Variants in TENM1 observed in about 807,000 individuals in gnomAD.
TENM1 encodes teneurin-1.
TENM1 carries 35 observed loss-of-function variants against 174.8 expected under a neutral mutation model. The ratio of observed to expected loss-of-function variants is 0.20; its 90% CI spans 0.15 to 0.27. The LOEUF (loss-of-function observed/expected upper bound fraction) is 0.27. Ranked by LOEUF, TENM1 falls within the 10% of genes least tolerant of loss-of-function variation. The pLI is 1.00. For synonymous variants in TENM1, 781 were observed against 798.7 expected (o/e 0.98, Z 0.37); for missense variants, 1,633 against 2,130.1 (o/e 0.77, Z 4.59).
At chrX:124,489,227 A>G (rs1037179576) in intron 20 of TENM1, among the ~76,000 whole-genome samples, 3 of 112,666 alleles carry the variant, frequency 2.7e-5, no homozygotes, top group Admixed American at 9.4e-5. Flanking sequence ...ATGAGTTAGG[A>G]GGAGAAAGAA....
At chrX:124,977,967 TGA>T in the TENM1 span, among the ~76,000 whole-genome samples, 1,086 of 32,935 alleles carry the variant, frequency 0.033, 11 homozygotes, top group Non-Finnish European at 0.045. Flanking sequence ...TGTGTGTGTG[TGA>T]GAGAGAGAGA....
intron 6 of TENM1, 45 bp from the exon 10 acceptor site, chrX:124,653,828 T>C: frequency 3.8e-6 from 4 of 1,062,572 alleles, no homozygotes; most frequent in Non-Finnish European, 5.2e-6. Flanking sequence ...TTAATCTTAA[T>C]TTATAAAGCA....
intron 23 of TENM1, among the ~76,000 whole-genome samples, chrX:124,426,926 C>T (rs756709839): frequency 1.8e-5 from 2 of 111,369 alleles, no homozygotes; most frequent in South Asian, 3.8e-4. Flanking sequence ...GGAGAGTGAA[C>T]GCCTGCTGCT....
At chrX:125,112,187 T>A in the TENM1 span, among the ~76,000 whole-genome samples, 2 of 104,532 alleles carry the variant, frequency 1.9e-5, no homozygotes, top group East Asian at 6.0e-4. Context: ...AGGGGAGAGG[T>A]GTTTGGTTTC....
intron 11 of TENM1, among the ~76,000 whole-genome samples, chrX:124,590,228 T>C (rs1003869565): frequency 2.7e-5 from 3 of 111,657 alleles, no homozygotes; most frequent in African/African-American, 9.8e-5. Context: ...TTTTGAGAGA[T>C]CTTCTCAGTA....
At chrX:124,878,859 C>T (rs76779185) in intron 3 of TENM1, among the ~76,000 whole-genome samples, 8 of 111,545 alleles carry the variant, frequency 7.2e-5, no homozygotes, top group African/African-American at 2.0e-4. Flanking sequence ...GGCTGGCTCA[C>T]GGAAGACCAG....
the TENM1 span, among the ~76,000 whole-genome samples, chrX:125,068,108 T>C: frequency 1.6e-3 from 180 of 111,859 alleles, no homozygotes; most frequent in Non-Finnish European, 2.7e-3. Context: ...TGCAATTCAA[T>C]GAGAATTGGG....
At chrX:124,587,669 A>C (rs1432345518) in intron 11 of TENM1, among the ~76,000 whole-genome samples, 8 of 106,542 alleles carry the variant, frequency 7.5e-5, no homozygotes, top group African/African-American at 2.8e-4. Flanking sequence ...CAATAGCAAC[A>C]AAAGCCAAAA....
At chrX:124,754,345 A>G (rs1235233277) in intron 3 of TENM1, among the ~76,000 whole-genome samples, 1 of 111,435 alleles carries the variant, frequency 9.0e-6, no homozygotes, top group Non-Finnish European at 1.9e-5. Context: ...CCCCTTTACC[A>G]TTTTTTATTG....
the TENM1 span, among the ~76,000 whole-genome samples, chrX:125,157,953 A>G: frequency 9.0e-6 from 1 of 111,730 alleles, no homozygotes; most frequent in African/African-American, 3.3e-5. Context: ...TTCAAGCCAA[A>G]TGTATATAGA....
intron 30 of TENM1, among the ~76,000 whole-genome samples, chrX:124,383,040 C>G (rs1233941398): frequency 9.1e-6 from 1 of 110,093 alleles, no homozygotes; most frequent in Non-Finnish European, 1.9e-5. Context: ...ACTGCAACCT[C>G]CACCTCTTGG....
chrX:124,578,089 C>T (rs1379721343), intron 11 of TENM1, among the ~76,000 whole-genome samples: 11 of 94,781 alleles, frequency 1.2e-4, no homozygotes, highest in Non-Finnish European at 2.3e-4. Flanking sequence ...CCATGCCCAG[C>T]TAATTAAAAA....
chrX:124,466,604 C>T (rs1463344948), intron 22 of TENM1, among the ~76,000 whole-genome samples: 1 of 111,879 alleles, frequency 8.9e-6, no homozygotes, highest in Non-Finnish European at 1.9e-5. Flanking sequence ...AAGTGCCCAG[C>T]ATTCGTAAGA....
At chrX:125,085,998 T>C in the TENM1 span, among the ~76,000 whole-genome samples, 6 of 111,187 alleles carry the variant, frequency 5.4e-5, no homozygotes, top group African/African-American at 1.3e-4. Flanking sequence ...TCTTAAATGA[T>C]TCAAAAATTA....
intron 3 of TENM1, among the ~76,000 whole-genome samples, chrX:124,815,556 C>T (rs1002312000): frequency 1.8e-5 from 2 of 111,027 alleles, no homozygotes; most frequent in Admixed American, 1.9e-4. Context: ...GAAATAGTTG[C>T]CAGAAAAATT....
the TENM1 span, among the ~76,000 whole-genome samples, chrX:125,091,098 T>C: frequency 9.1e-6 from 1 of 110,326 alleles, no homozygotes; most frequent in Non-Finnish European, 1.9e-5. Flanking sequence ...GAGACAATCA[T>C]AGTTAGAAAA....
chrX:125,110,193 GA>G, the TENM1 span, among the ~76,000 whole-genome samples: 1 of 111,342 alleles, frequency 9.0e-6, no homozygotes, highest in Non-Finnish European at 1.9e-5. Context: ...TCTGAATTGA[GA>G]AAGCAAAGAA....
chrX:124,963,855 T>G (rs1354275097), upstream of TENM1: 1 of 692,774 alleles, frequency 1.4e-6, no homozygotes, highest in Non-Finnish European at 2.2e-6. Flanking sequence ...CTTCTTAGAT[T>G]TATCTTTTTG....
At chrX:124,387,532 G>C (rs1191160341) in intron 28 of TENM1, among the ~76,000 whole-genome samples, 1 of 111,624 alleles carries the variant, frequency 9.0e-6, no homozygotes, top group Non-Finnish European at 1.9e-5. Flanking sequence ...GAAAACAATA[G>C]GTATATTTTC....
Sources: gnomAD v4.1 joint callset for allele counts (sites outside exome capture counted in the v4.1 genomes callset) on GRCh38, gnomAD v4.1.1 for gene constraint, MANE v1.5 for transcripts, NCBI Gene and HGNC (gene_info 2026-07-23, HGNC 2026-07-21) for gene names.